Variants in PABPC1L observed in about 807,000 individuals in gnomAD.
PABPC1L encodes the protein polyadenylate-binding protein 1-like.
PABPC1L carries 31 observed loss-of-function variants against 66.6 expected under a neutral mutation model. The observed-to-expected ratio is 0.47, with a 90% CI of 0.35 to 0.63. PABPC1L has a LOEUF of 0.63. PABPC1L is among the 20% of genes least tolerant of loss of function. PABPC1L has a pLI of 0.00. For synonymous variants in PABPC1L, 348 were observed against 335.1 expected (o/e 1.04, Z -0.42); for missense variants, 722 against 848.8 (o/e 0.85, Z 1.86).
chr20:44,920,658 G>A (rs912705842), intron 5 of PABPC1L, among the ~76,000 whole-genome samples: 1 of 150,764 alleles, frequency 6.6e-6, no homozygotes, highest in African/African-American at 2.4e-5. Flanking sequence ...TAGTAGAGAA[G>A]GGGTTTCACC....
intron 7 of PABPC1L, among the ~76,000 whole-genome samples, chr20:44,929,268 A>T (rs1411985485): frequency 3.9e-5 from 6 of 152,148 alleles, no homozygotes; most frequent in Non-Finnish European, 8.8e-5. Context: ...TCTCTTTAAA[A>T]AACAAACAAA....
chr20:44,927,073 T>G (rs6073570), intron 7 of PABPC1L, among the ~76,000 whole-genome samples: 81,331 of 151,374 alleles, frequency 0.54, 22,031 homozygotes, highest in Admixed American at 0.62. Context: ...TGGTAGAAAT[T>G]GGGAGTCTTG....
At position 44,919,447 on chromosome 20, in the gene PABPC1L, G is replaced by A. The variant is rs140276745; in HGVS notation, c.738+170G>A. Among the ~76,000 whole-genome samples the A allele has an allele frequency of 1.9e-4, 29 of 152,300 alleles. 1 individual carries two copies. In the East Asian group the frequency reaches 4.6e-3, roughly 24 times the overall value. On this transcript the variant is annotated intron_variant, in intron 5 of 14. Coordinates refer to ENST00000217073, the MANE Select transcript of PABPC1L (RefSeq NM_001372179.1). ...CTTCCTTCTGTGGTCAAAGGCCAAG[G>A]GCTTCATTCTTTGGTCACTTCTAAG...
chr20:44,931,631 A>G (rs1184821631), intron 8 of PABPC1L: 4 of 151,758 alleles, frequency 2.6e-5, no homozygotes, highest in African/African-American at 9.7e-5. Flanking sequence ...GGTAGCTGGG[A>G]TTACAGGTGC....
At chr20:44,924,121 G>C (rs376943075) in intron 6 of PABPC1L, 40 bp from the exon 7 acceptor site, 2 of 1,534,766 alleles carry the variant, frequency 1.3e-6, no homozygotes, top group Non-Finnish European at 1.8e-6. Context: ...TTGGGGCTTG[G>C]AGGAGAAGGG....
At chr20:44,913,454 T>G (rs762470282) in intron 2 of PABPC1L, among the ~76,000 whole-genome samples, 2 of 151,952 alleles carry the variant, frequency 1.3e-5, no homozygotes, top group Non-Finnish European at 2.9e-5. Context: ...CTCTGTTGCC[T>G]AGGCTGGAGT....
At chr20:44,916,018 A>T (rs1320302617) in intron 2 of PABPC1L, among the ~76,000 whole-genome samples, 1 of 151,914 alleles carries the variant, frequency 6.6e-6, no homozygotes, top group African/African-American at 2.4e-5. Flanking sequence ...TTTTTCACTT[A>T]ACAAGACTGT....
Position 44,936,711 on chromosome 20 carries a change from T to C in PABPC1L, c.1641T>C (p.His547=), listed in dbSNP as rs1259434744. The C allele has an allele frequency of 1.2e-6, 2 of 1,608,292 alleles. No individual in the cohort carries two copies. Among genetic ancestry groups the C allele is most frequent in the African/African-American group, 2.7e-5 (2 of 74,854 alleles). The stretch of plus-strand genomic sequence containing the variant: ...CCATGCTGGCTGCGGCGCCCCTGCA[T>C]GAGCAAAAGCAGATGATTGGTGAGT... The part of the protein sequence containing the change: ...TASMLAAAPL[H]EQKQMIGERL... The change falls in exon 12 of 15, where the codon CAT becomes CAC. Residue 547 remains histidine (H), a synonymous_variant. Transcript: ENST00000217073.
rs1173265601 is a variant in PABPC1L, at chr20:44,933,116, G to C, written c.1390G>C (p.Ala464Pro). Residue 464 changes from alanine to proline, a missense_variant, in exon 10 of 15, where the codon GCC becomes CCC. This residue lies in a region of PABPC1L where 301 missense variants were observed against 337.2 expected (regional missense o/e 0.89). Transcript: ENST00000217073. ...RPPVVPRRPP[A>P]HISSVRQAST... ...ACCAGTTGTGCCTCGGCGCCCCCCG[G>C]CCCACATCAGCAGTGTCAGGCAGGC... The C allele has an allele frequency of 6.2e-7, 1 of 1,608,510 alleles. No individual in the cohort carries two copies. The highest frequency in any genetic ancestry group is 8.5e-7 in the Non-Finnish European group (1 of 1,178,162).
Position 44,933,111 on chromosome 20 carries a change from C to G in PABPC1L, c.1385C>G (p.Pro462Arg). ...CGGCCACCAGTTGTGCCTCGGCGCCCCCCGGCCCACATCAGCAGTGTCAGG... is the reference window on the plus strand; with the variant it reads ...CGGCCACCAGTTGTGCCTCGGCGCCGCCCGGCCCACATCAGCAGTGTCAGG... Reference protein sequence around the residue: ...MVRPPVVPRRPPAHISSVRQA... With the variant: ...MVRPPVVPRRRPAHISSVRQA... Residue 462 changes from proline to arginine, a missense_variant, in exon 10 of 15, where the codon CCC becomes CGC. Physicochemically the swap from Pro to Arg is moderately radical, Grantham distance 103 (BLOSUM62 -2). Coordinates refer to ENST00000217073, the MANE Select transcript of PABPC1L (RefSeq NM_001372179.1). 1.2e-6 allele frequency: 2 copies of G among 1,607,654 alleles called. No homozygotes were observed. Among genetic ancestry groups the G allele is most frequent in the Non-Finnish European group, 1.7e-6 (2 of 1,177,778 alleles).
intron 7 of PABPC1L, among the ~76,000 whole-genome samples, chr20:44,928,107 C>T (rs897769656): frequency 9.9e-5 from 15 of 152,134 alleles, no homozygotes; most frequent in Admixed American, 9.2e-4. Context: ...CCCACTCTGT[C>T]GCCCAGACTG....
chr20:44,918,768 AG>A, intron 3 of PABPC1L, 137 bp from the exon 4 acceptor site: 1 of 994,926 alleles, frequency 1.0e-6, no homozygotes, highest in Non-Finnish European at 1.4e-6. Flanking sequence ...GGATGTTCTA[AG>A]GAGTATTGTC....
intron 12 of PABPC1L, among the ~76,000 whole-genome samples, chr20:44,937,680 A>G (rs1287486937): frequency 1.3e-5 from 2 of 152,138 alleles, no homozygotes; most frequent in Admixed American, 6.5e-5. Flanking sequence ...CTCCCAAAGT[A>G]CTGTGATTAC....
At chr20:44,917,102 AT>A (rs1374980438) in intron 3 of PABPC1L, among the ~76,000 whole-genome samples, 1 of 152,158 alleles carries the variant, frequency 6.6e-6, no homozygotes, top group Non-Finnish European at 1.5e-5. Context: ...GGAAGTGGTG[AT>A]TTTAAAACTC....
intron 2 of PABPC1L, among the ~76,000 whole-genome samples, chr20:44,914,217 T>TTTG (rs1382828748): frequency 6.7e-6 from 1 of 148,880 alleles, no homozygotes; most frequent in Non-Finnish European, 1.5e-5. Context: ...TTTTTTTTTT[T>TTTG]TTTTTTTGAG....
chr20:44,922,611 T>C (rs1454710623), intron 6 of PABPC1L, among the ~76,000 whole-genome samples: 1 of 152,188 alleles, frequency 6.6e-6, no homozygotes, highest in East Asian at 1.9e-4. Context: ...CCTTAGTTGA[T>C]CTGCCCGCTT....
rs1013371004 is a variant in PABPC1L at position 44,933,029 on chromosome 20, T to C, written c.1331-28T>C. 4 of 1,493,484 alleles carry C rather than the reference T, an allele frequency of 2.7e-6. No individual in the cohort carries two copies. The African/African-American group carries it at 5.5e-5, about 21-fold the overall frequency. 92.5% of individuals were successfully genotyped at this position (1,493,484 alleles called of 1,614,324 possible). On this transcript the variant is annotated intron_variant, in intron 9 of 14. Transcript: ENST00000217073. The stretch of plus-strand genomic sequence containing the variant: ...TATTCCCACCACTCCATCCAACTTT[T>C]CTCTCTCTGTGGTGTCTGCACCACA...
chr20:44,928,888 A>AAAAAAGAAAAGAAAAG lies in PABPC1L; in HGVS notation c.973-1567_973-1566insGAAAAGAAAAGAAAAA, dbSNP rs60543713. ...TCAAAAAAAAAAAAAAAAAAAAAGA[A>AAAAAAGAAAAGAAAAG]AAAAAAAAAGGAAAAAAAGAAGATT... On this transcript the variant is annotated intron_variant, in intron 7 of 14. Coordinates refer to ENST00000217073, the MANE Select transcript of PABPC1L (RefSeq NM_001372179.1). 7.9e-3 allele frequency among the ~76,000 whole-genome samples: 1,151 copies of AAAAAAGAAAAGAAAAG among 146,384 alleles called. 16 individuals carry two copies. The highest frequency in any genetic ancestry group is 0.027 in the African/African-American group (1,037 of 38,658).
chr20:44,924,555 G>A (rs180982837), intron 7 of PABPC1L, among the ~76,000 whole-genome samples: 11 of 152,292 alleles, frequency 7.2e-5, no homozygotes, highest in Non-Finnish European at 1.3e-4. Context: ...TCATATCTTA[G>A]TATTTCCATT....
Sources: gnomAD v4.1 joint callset for allele counts (sites outside exome capture counted in the v4.1 genomes callset) on GRCh38, gnomAD v4.1.1 for gene constraint, gnomAD v4.1.1 regional missense constraint, MANE v1.5 for transcripts, NCBI Gene and HGNC (gene_info 2026-07-23, HGNC 2026-07-21) for gene names.